Variants in DGKG observed in about 807,000 individuals in gnomAD.
DGKG encodes the protein DAG kinase gamma.
DGKG carries 78 observed loss-of-function variants against 105.3 expected under a neutral mutation model. The observed-to-expected ratio is 0.74, with a 90% CI of 0.62 to 0.89. The LOEUF (loss-of-function observed/expected upper bound fraction) is 0.89. Ranked by LOEUF, DGKG falls within the 40% of genes least tolerant of loss-of-function variation. The probability of loss-of-function intolerance (pLI) is 0.00; values close to 1 mark genes in which losing one functional copy is unlikely to be tolerated. For synonymous variants in DGKG, 346 were observed against 367.1 expected (o/e 0.94, Z 0.66); for missense variants, 958 against 1,020.1 (o/e 0.94, Z 0.83).
chr3:186,238,087 G>A (rs373272980), intron 20 of DGKG, among the ~76,000 whole-genome samples: 40 of 152,084 alleles, frequency 2.6e-4, no homozygotes, highest in African/African-American at 8.9e-4. Flanking sequence ...GAGGTCAGGA[G>A]TTCAAGACCA....
chr3:186,209,093 C>CTTTTTTT lies in DGKG; in HGVS notation c.1917+2695_1917+2701dup, dbSNP rs34226259. Among the ~76,000 whole-genome samples, 37 of 89,774 alleles carry CTTTTTTT rather than the reference C, an allele frequency of 4.1e-4. 2 individuals carry two copies. Among genetic ancestry groups the CTTTTTTT allele is most frequent in the Non-Finnish European group, 5.7e-4 (28 of 49,482 alleles). The allele number at this position is 89,774 out of a possible 152,430, so 58.9% of individuals were successfully genotyped here. On this transcript the variant is annotated intron_variant, in intron 21 of 24. Transcript: ENST00000265022. ...TTTTCTCTCCCTTCAGTTTACTCTT[C>CTTTTTTT]TTTTTTTTTTTTTTTTTTTTTTTAA... is the stretch of plus-strand genomic sequence containing the variant.
chr3:186,294,451 G>T (rs932958943), intron 5 of DGKG, among the ~76,000 whole-genome samples: 1 of 150,572 alleles, frequency 6.6e-6, no homozygotes, highest in African/African-American at 2.4e-5. Flanking sequence ...CAGGAGAATT[G>T]CTTGAACTCG....
intron 10 of DGKG, among the ~76,000 whole-genome samples, chr3:186,273,752 T>C (rs1722444000): frequency 6.6e-6 from 1 of 152,208 alleles, no homozygotes; most frequent in Non-Finnish European, 1.5e-5. Flanking sequence ...CTTCTGTGGC[T>C]GAGGTCACTT....
intron 19 of DGKG, among the ~76,000 whole-genome samples, chr3:186,242,837 CAGAT>C (rs1720754837): frequency 6.6e-6 from 1 of 152,118 alleles, no homozygotes; most frequent in Non-Finnish European, 1.5e-5. Flanking sequence ...CCGCTGAGAA[CAGAT>C]AGATAGTTCA....
At position 186,306,934 on chromosome 3, in the gene DGKG, C is replaced by T; in HGVS notation, c.111G>A (p.Glu37=). Residue 37 remains glutamate (E), a synonymous_variant, in exon 3 of 25, where the codon GAG becomes GAA. Transcript: ENST00000265022. The stretch of plus-strand genomic sequence containing the variant: ...GGTCATATTGTTTGAGGCTCCCACC[C>T]TCATTAAATTCAGTCAAGGCATCTT... ...KIKDALTEFN[E]GGSLKQYDPH... is the part of the protein sequence containing the mutation. 6.2e-7 allele frequency: 1 copy of T among 1,613,180 alleles called. No homozygotes were observed. The highest frequency in any genetic ancestry group is 8.5e-7 in the Non-Finnish European group (1 of 1,179,208).
At chr3:186,316,220 C>A (rs12492292) in intron 2 of DGKG, among the ~76,000 whole-genome samples, 88,020 of 152,104 alleles carry the variant, frequency 0.58, 26,123 homozygotes, top group Middle Eastern at 0.67. Context: ...GACCCACAGA[C>A]TCATGGGAAA....
chr3:186,342,998 G>A (rs1051233614), intron 1 of DGKG, among the ~76,000 whole-genome samples: 12 of 151,922 alleles, frequency 7.9e-5, no homozygotes, highest in Non-Finnish European at 1.6e-4. Context: ...AAACTTAAAC[G>A]GAAAAATTAT....
At position 186,148,304 on chromosome 3, in the gene DGKG, C is replaced by G; in HGVS notation, c.*1786G>C. The G allele has an allele frequency of 1.0e-6, 1 of 985,460 alleles. No homozygotes were observed. The highest frequency in any genetic ancestry group is 1.2e-6 in the Non-Finnish European group (1 of 829,958). The allele number at this position is 985,460 out of a possible 1,614,324, so 61.0% of individuals were successfully genotyped here. On this transcript the variant is annotated 3_prime_UTR_variant, in exon 25 of 25. Coordinates refer to ENST00000265022, the MANE Select transcript of DGKG (RefSeq NM_001346.3). ...TCTTGTGACTCTCCACTGAGGTCAT[C>G]CCTGCAGCCAAGGTTGTTTCCAAAC... is the stretch of plus-strand genomic sequence containing the variant.
intron 20 of DGKG, among the ~76,000 whole-genome samples, chr3:186,212,539 C>T (rs371477986): frequency 6.6e-6 from 1 of 152,058 alleles, no homozygotes; most frequent in East Asian, 1.9e-4. Context: ...CAGTTAAGGG[C>T]AAGACTTGTC....
intron 10 of DGKG, among the ~76,000 whole-genome samples, chr3:186,273,339 A>C (rs891189202): frequency 2.0e-5 from 3 of 147,760 alleles, no homozygotes; most frequent in African/African-American, 7.4e-5. Flanking sequence ...GCTGGGTTTG[A>C]ACTGGCGCTG....
chr3:186,301,192 C>T (rs1723903464), intron 3 of DGKG, among the ~76,000 whole-genome samples: 1 of 152,224 alleles, frequency 6.6e-6, no homozygotes, highest in South Asian at 2.1e-4. Flanking sequence ...CTGTTCCATA[C>T]ATCTCACCTG....
At chr3:186,307,870 C>T (rs1347968929) in intron 2 of DGKG, among the ~76,000 whole-genome samples, 1 of 140,058 alleles carries the variant, frequency 7.1e-6, no homozygotes, top group African/African-American at 2.6e-5. Flanking sequence ...GGAATCTTGA[C>T]AACTCTGTCC....
At chr3:186,177,490 A>G (rs1423691535) in intron 22 of DGKG, among the ~76,000 whole-genome samples, 1 of 151,838 alleles carries the variant, frequency 6.6e-6, no homozygotes, top group Non-Finnish European at 1.5e-5. Flanking sequence ...TGAAGGGAAG[A>G]CCTCCTTGCC....
Position 186,287,145 on chromosome 3 carries a change from A to T in DGKG, c.544+1565T>A, listed in dbSNP as rs540962207. 2.3e-4 allele frequency among the ~76,000 whole-genome samples: 35 copies of T among 152,306 alleles called. 4 individuals are homozygous for T. The highest frequency in any genetic ancestry group is 1.4e-3 in the Admixed American group (22 of 15,300). ...CATAATAACCAGTGGTGATGTATGAATTTTACTCGGATCCTGATTCAAACA... is the reference window on the plus strand; with the variant it reads ...CATAATAACCAGTGGTGATGTATGATTTTTACTCGGATCCTGATTCAAACA... On this transcript the variant is annotated intron_variant, in intron 6 of 24. Coordinates refer to ENST00000265022, the MANE Select transcript of DGKG (RefSeq NM_001346.3).
chr3:186,276,729 A>C (rs920260035), intron 9 of DGKG, among the ~76,000 whole-genome samples: 3 of 152,192 alleles, frequency 2.0e-5, no homozygotes, highest in Non-Finnish European at 4.4e-5. Flanking sequence ...TCCCTCCTGC[A>C]TGTGCTATCC....
chr3:186,224,462 G>T (rs748012818), intron 20 of DGKG, among the ~76,000 whole-genome samples: 1 of 152,146 alleles, frequency 6.6e-6, no homozygotes, highest in Non-Finnish European at 1.5e-5. Context: ...CACCATGCCC[G>T]CAGGCAGACA....
chr3:186,360,019 A>G (rs1018769315), intron 1 of DGKG, among the ~76,000 whole-genome samples: 20 of 151,726 alleles, frequency 1.3e-4, no homozygotes, highest in Non-Finnish European at 2.8e-4. Flanking sequence ...GCATCCACCA[A>G]CTCCCATCAG....
rs549337648 is a variant in DGKG, at chr3:186,338,005, C to A, written c.-248-17298G>T. Among the ~76,000 whole-genome samples, 209 of 151,650 alleles carry A rather than the reference C, an allele frequency of 1.4e-3. 1 individual carries two copies. The highest frequency in any genetic ancestry group is 3.4e-3 in the Middle Eastern group (1 of 294). ...GAAACAGGGCAAAACCCTGTCTCTA[C>A]AAAAAATTTTAAAAATGAGCTGGGT... On this transcript the variant is annotated intron_variant, in intron 1 of 24. Transcript: ENST00000265022.
chr3:186,265,980 C>T (rs1177039891), intron 13 of DGKG, among the ~76,000 whole-genome samples: 3 of 152,042 alleles, frequency 2.0e-5, no homozygotes, highest in South Asian at 2.1e-4. Flanking sequence ...GTCGACTTGG[C>T]TTTTCGGCTG....
Sources: allele counts gnomAD v4.1 joint callset (sites outside exome capture counted in the v4.1 genomes callset), GRCh38; gene constraint gnomAD v4.1.1; transcripts MANE v1.5; gene names NCBI Gene and HGNC (gene_info 2026-07-23, HGNC 2026-07-21).